Variants in RNF13 observed in about 807,000 individuals in gnomAD.
RNF13 encodes the protein E3 ubiquitin-protein ligase RNF13.
RNF13 carries 19 observed loss-of-function variants against 37.7 expected under a neutral mutation model. The observed-to-expected ratio is 0.50, with a 90% CI of 0.35 to 0.74. The LOEUF is 0.74. Ranked by LOEUF, RNF13 falls within the 30% of genes least tolerant of loss-of-function variation. RNF13 has a pLI of 0.01. For synonymous variants in RNF13, 144 were observed against 157.8 expected (o/e 0.91, Z 0.65); for missense variants, 375 against 453.0 (o/e 0.83, Z 1.56).
At chr3:149,883,470 T>G (rs1006354321) in intron 4 of RNF13, among the ~76,000 whole-genome samples, 1 of 152,080 alleles carries the variant, frequency 6.6e-6, no homozygotes, top group Non-Finnish European at 1.5e-5. Context: ...GAGCCTTATG[T>G]TTATATTCTC....
chr3:149,900,831 G>T (rs189644683), intron 5 of RNF13, among the ~76,000 whole-genome samples: 3 of 151,890 alleles, frequency 2.0e-5, no homozygotes, highest in Non-Finnish European at 4.4e-5. Context: ...GTGTATGTGC[G>T]CGCATGTGTG....
intron 2 of RNF13, among the ~76,000 whole-genome samples, chr3:149,852,072 T>C (rs539885075): frequency 2.6e-5 from 4 of 152,310 alleles, no homozygotes; most frequent in Admixed American, 6.5e-5. Flanking sequence ...GCCTTAAAAA[T>C]ATGATATGAT....
intron 8 of RNF13, among the ~76,000 whole-genome samples, chr3:149,951,658 G>T (rs1721352883): frequency 6.6e-6 from 1 of 152,096 alleles, no homozygotes; most frequent in Non-Finnish European, 1.5e-5. Context: ...GATTGGGATG[G>T]GCATTGCACC....
intron 8 of RNF13, among the ~76,000 whole-genome samples, chr3:149,951,558 G>C (rs1359483373): frequency 1.3e-5 from 2 of 152,182 alleles, no homozygotes; most frequent in Admixed American, 1.3e-4. Context: ...AGCTGTATTT[G>C]CTTAGGAGAA....
At position 149,887,305 on chromosome 3, in the gene RNF13, G is replaced by A. The variant is rs147197727; in HGVS notation, c.322-8168G>A. On this transcript the variant is annotated intron_variant, in intron 4 of 9. Coordinates refer to ENST00000392894, the MANE Select transcript of RNF13 (RefSeq NM_183381.3). ...AACAGCTTGTCAGAAAATCAGTAAG[G>A]AAACACAAGACTTGAGCAACAGTAT... is the stretch of plus-strand genomic sequence containing the variant. Among the ~76,000 whole-genome samples the A allele has an allele frequency of 5.7e-3, 870 of 152,236 alleles. 10 individuals are homozygous for A. The highest frequency in any genetic ancestry group is 4.1e-3 in the Non-Finnish European group (280 of 68,010).
At chr3:149,934,274 G>C (rs1204484201) in intron 8 of RNF13, among the ~76,000 whole-genome samples, 2 of 151,824 alleles carry the variant, frequency 1.3e-5, no homozygotes, top group Non-Finnish European at 2.9e-5. Context: ...TCTAGCAAAA[G>C]GTATGTGGAC....
At chr3:149,831,877 G>A (rs1284278776) in intron 1 of RNF13, among the ~76,000 whole-genome samples, 11 of 152,160 alleles carry the variant, frequency 7.2e-5, no homozygotes, top group African/African-American at 2.7e-4. Context: ...TATTTAGGTG[G>A]TGTGTGAGCT....
intron 4 of RNF13, among the ~76,000 whole-genome samples, chr3:149,889,173 A>T (rs1243683886): frequency 6.8e-6 from 1 of 147,506 alleles, no homozygotes; most frequent in Non-Finnish European, 1.5e-5. Context: ...TCTTGACCTC[A>T]TGATCCCCCC....
intron 6 of RNF13, among the ~76,000 whole-genome samples, chr3:149,909,074 C>T (rs1203050050): frequency 6.6e-6 from 1 of 152,074 alleles, no homozygotes; most frequent in Admixed American, 6.5e-5. Context: ...GGGACTAGGG[C>T]AAGGATGAAT....
chr3:149,929,434 A>G (rs1161343960), intron 8 of RNF13, among the ~76,000 whole-genome samples: 2 of 152,164 alleles, frequency 1.3e-5, no homozygotes, highest in African/African-American at 4.8e-5. Flanking sequence ...ATAATTCAAG[A>G]TGAGATTTTG....
chr3:149,876,669 C>A (rs1294105870), intron 4 of RNF13, among the ~76,000 whole-genome samples: 1 of 151,428 alleles, frequency 6.6e-6, no homozygotes, highest in Non-Finnish European at 1.5e-5. Context: ...TGTCCTCCTT[C>A]TACTTGTCTG....
At chr3:149,940,248 A>G (rs983644272) in intron 8 of RNF13, among the ~76,000 whole-genome samples, 6 of 152,052 alleles carry the variant, frequency 3.9e-5, no homozygotes, top group Non-Finnish European at 7.4e-5. Flanking sequence ...AACTAATCCA[A>G]TTTGACTTTC....
intron 5 of RNF13, 137 bp downstream of exon 5, chr3:149,895,697 T>C: frequency 1.9e-6 from 1 of 518,026 alleles, no homozygotes; most frequent in Non-Finnish European, 3.5e-6. Context: ...CATTCTTAAC[T>C]CTGGATGATT....
intron 8 of RNF13, among the ~76,000 whole-genome samples, chr3:149,933,262 G>A (rs1719338918): frequency 1.4e-5 from 2 of 147,950 alleles, no homozygotes; most frequent in African/African-American, 5.0e-5. Flanking sequence ...GCCTTTTGAG[G>A]CTTTTTTTTT....
chr3:149,880,724 G>A (rs1713292773), intron 4 of RNF13, among the ~76,000 whole-genome samples: 1 of 151,974 alleles, frequency 6.6e-6, no homozygotes. Context: ...TCATAATACT[G>A]GAAATAGCCA....
rs75833116 is a variant in RNF13, at chr3:149,887,952, G to C, written c.322-7521G>C. On this transcript the variant is annotated intron_variant, in intron 4 of 9. Transcript: ENST00000392894. ...AAGTTCATACTTGAACATGAAAGTT[G>C]ATTGGGAGCAAAAAGAAAAGAAAGA... Among the ~76,000 whole-genome samples the C allele has an allele frequency of 1.7e-3, 264 of 152,260 alleles. 6 individuals are homozygous for C. In the East Asian group the frequency reaches 0.048, roughly 28 times the overall value.
intron 6 of RNF13, among the ~76,000 whole-genome samples, chr3:149,906,645 C>CTT (rs35801459): frequency 0.01 from 807 of 79,064 alleles, 4 homozygotes; most frequent in East Asian, 0.015. Context: ...TTCAATTCTG[C>CTT]TTTTTTTTTT....
chr3:149,815,980 C>T (rs1719407543), intron 1 of RNF13, among the ~76,000 whole-genome samples: 2 of 151,990 alleles, frequency 1.3e-5, no homozygotes, highest in Admixed American at 6.6e-5. Flanking sequence ...GCACCCTCGA[C>T]CTCCCGTGCT....
At position 149,961,361 on chromosome 3, in the gene RNF13, T is replaced by TAAA. The variant is rs61689176; in HGVS notation, c.*268_*270dup. Reference sequence around the variant, plus strand: ...TTGGAATGAAAGTATAGCCAAAACATAAAAAAAAAAAAATCCTCAGTATAG... The same window carrying TAAA: ...TTGGAATGAAAGTATAGCCAAAACATAAAAAAAAAAAAAAAATCCTCAGTATAG... On this transcript the variant is annotated 3_prime_UTR_variant, in exon 10 of 10. Transcript: ENST00000392894. 52 of 525,244 alleles carry TAAA rather than the reference T, an allele frequency of 9.9e-5. No individual in the cohort carries two copies. The highest frequency in any genetic ancestry group is 2.9e-4 in the African/African-American group (15 of 51,052). 32.5% of individuals were successfully genotyped at this position (525,244 alleles called of 1,614,324 possible). A position where few individuals can be genotyped will look rare whatever the true frequency, so the allele number is the denominator to read the frequency against.
Sources: gnomAD v4.1 joint callset for allele counts (sites outside exome capture counted in the v4.1 genomes callset) on GRCh38, gnomAD v4.1.1 for gene constraint, MANE v1.5 for transcripts, NCBI Gene and HGNC (gene_info 2026-07-23, HGNC 2026-07-21) for gene names.